ST3GAL3: variants seen among roughly 807,000 people sequenced by gnomAD.
ST3GAL3 encodes ST3 beta-galactoside alpha-2,3-sialyltransferase 3.
Under a neutral mutation model 50.1 loss-of-function variants are expected in ST3GAL3, and 21 were observed. That is an observed-to-expected ratio of 0.42 (90% CI 0.30 to 0.60). The LOEUF is 0.60. Ranked by LOEUF, ST3GAL3 falls within the 20% of genes least tolerant of loss-of-function variation. The pLI is 0.19. For synonymous variants in ST3GAL3, 183 were observed against 190.0 expected, an observed-to-expected ratio of 0.96 and a Z score of 0.30; for missense variants, 353 against 489.4, an observed-to-expected ratio of 0.72 and a Z score of 2.63.
intron 5 of ST3GAL3, among the ~76,000 whole-genome samples, chr1:43,867,000 C>T (rs1338238046): frequency 2.0e-5 from 3 of 152,160 alleles, no homozygotes; most frequent in Non-Finnish European, 4.4e-5. Context: ...CATAGTGGCG[C>T]GTGTCTGTAA....
chr1:43,887,970 A>AC (rs2076201078), intron 5 of ST3GAL3, among the ~76,000 whole-genome samples: 1 of 152,120 alleles, frequency 6.6e-6, no homozygotes, highest in Admixed American at 6.6e-5. Context: ...GGAGGAAGAG[A>AC]CTAGAGCACA....
At chr1:43,910,550 A>G (rs964039755) in intron 9 of ST3GAL3, among the ~76,000 whole-genome samples, 1 of 152,242 alleles carries the variant, frequency 6.6e-6, no homozygotes, top group Non-Finnish European at 1.5e-5. Flanking sequence ...AGAAGTGAGA[A>G]TGGGCACAAG....
chr1:43,716,961 G>A (rs961395414), intron 1 of ST3GAL3, among the ~76,000 whole-genome samples: 2 of 152,024 alleles, frequency 1.3e-5, no homozygotes, highest in Non-Finnish European at 1.5e-5. Flanking sequence ...ATTGCTACAC[G>A]AGCAACCTTT....
intron 2 of ST3GAL3, among the ~76,000 whole-genome samples, chr1:43,764,016 A>G (rs1037009987): frequency 1.3e-5 from 2 of 152,222 alleles, no homozygotes; most frequent in Non-Finnish European, 2.9e-5. Flanking sequence ...ACTGTCATTT[A>G]TTCAATGAGA....
intron 3 of ST3GAL3, among the ~76,000 whole-genome samples, chr1:43,796,784 A>AT (rs1398774246): frequency 2.0e-5 from 3 of 152,258 alleles, no homozygotes; most frequent in Non-Finnish European, 4.4e-5. Flanking sequence ...GGTGACACAG[A>AT]TGTTTGAATA....
chr1:43,848,294 C>CTTTT lies in ST3GAL3; in HGVS notation c.302+10002_302+10005dup, dbSNP rs58438507. On this transcript the variant is annotated intron_variant, in intron 5 of 11. Coordinates refer to ENST00000347631, the MANE Select transcript of ST3GAL3 (RefSeq NM_006279.5). ...TTATGGTGTCCCTTGTTGTGGTTTT[C>CTTTT]TTTTTTTTTTTTTTTTTTTTTTGGC... Among the ~76,000 whole-genome samples, 272 of 70,346 alleles carry CTTTT rather than the reference C, an allele frequency of 3.9e-3. 8 individuals carry two copies. Among genetic ancestry groups the CTTTT allele is most frequent in the African/African-American group, 0.012 (194 of 16,752 alleles). 46.1% of individuals were successfully genotyped at this position (70,346 alleles called of 152,430 possible). A position where few individuals can be genotyped will look rare whatever the true frequency, so the allele number is the denominator to read the frequency against.
intron 5 of ST3GAL3, among the ~76,000 whole-genome samples, chr1:43,890,305 A>T (rs1431734423): frequency 6.6e-6 from 1 of 152,240 alleles, no homozygotes. Flanking sequence ...TAAAAGAAAC[A>T]AAACTGACCA....
intron 9 of ST3GAL3, chr1:43,916,948 C>A (rs748842421): frequency 1.3e-5 from 2 of 152,094 alleles, no homozygotes; most frequent in Non-Finnish European, 2.9e-5. Flanking sequence ...TTTAATGAAA[C>A]CTCTGTTGTA....
In ST3GAL3 at chr1:43,899,134, C is replaced by T. The variant is rs1203707785; in HGVS notation, c.462-34C>T. 6.2e-7 allele frequency: 1 copy of T among 1,613,678 alleles called. No homozygotes were observed. The highest frequency in any genetic ancestry group is 1.3e-5 in the African/African-American group (1 of 74,904). ...AGGGAAAGAGACCTGGTGGGCAGCT[C>T]TCTGTACAGAGGTCTCCGCCTCTCT... On this transcript the variant is annotated intron_variant, in intron 7 of 11. Coordinates refer to ENST00000347631, the MANE Select transcript of ST3GAL3 (RefSeq NM_006279.5). This position sits in a 1 kb window ranked among gnomAD's most constrained non-coding sequence, Gnocchi z 5.4.
At chr1:43,838,193 C>A in intron 4 of ST3GAL3, 26 bp from the exon 5 acceptor site, 1 of 1,587,536 alleles carries the variant, frequency 6.3e-7, no homozygotes, top group Non-Finnish European at 8.6e-7. Context: ...GCCTGGCAAG[C>A]TGTAACTTTC....
chr1:43,719,395 C>G (rs1669171914), intron 1 of ST3GAL3, among the ~76,000 whole-genome samples: 1 of 150,372 alleles, frequency 6.7e-6, no homozygotes, highest in Non-Finnish European at 1.5e-5. Context: ...GGCACGGTGG[C>G]TCATGCTTGT....
At chr1:43,803,820 G>C (rs929780688) in intron 3 of ST3GAL3, among the ~76,000 whole-genome samples, 1 of 152,232 alleles carries the variant, frequency 6.6e-6, no homozygotes, top group African/African-American at 2.4e-5. Context: ...TGGTGCACGT[G>C]CAGGAGGGGA....
chr1:43,836,605 G>A (rs529152090), intron 4 of ST3GAL3, among the ~76,000 whole-genome samples: 15 of 152,210 alleles, frequency 9.9e-5, no homozygotes, highest in Non-Finnish European at 2.1e-4. Context: ...TTGCCACAGG[G>A]CCCCAGCACA....
chr1:43,874,985 T>C (rs1196834479), intron 5 of ST3GAL3, among the ~76,000 whole-genome samples: 1 of 152,206 alleles, frequency 6.6e-6, no homozygotes, highest in Non-Finnish European at 1.5e-5. Context: ...GCATGGTTGT[T>C]CTCCAGCCAG....
At chr1:43,724,622 G>C (rs1672062853) in intron 1 of ST3GAL3, among the ~76,000 whole-genome samples, 1 of 152,110 alleles carries the variant, frequency 6.6e-6, no homozygotes. Flanking sequence ...CTAATTATCT[G>C]CAGAGGCAGA....
At chr1:43,752,757 A>G (rs2154112508) in intron 2 of ST3GAL3, among the ~76,000 whole-genome samples, 1 of 152,004 alleles carries the variant, frequency 6.6e-6, no homozygotes, top group South Asian at 2.1e-4. Context: ...CCCACCTCAG[A>G]CTCCCAAACT....
chr1:43,735,251 T>G (rs1677889142), intron 1 of ST3GAL3, among the ~76,000 whole-genome samples: 1 of 152,176 alleles, frequency 6.6e-6, no homozygotes, highest in African/African-American at 2.4e-5. Context: ...AATTTGTTAC[T>G]CGACATGGCA....
intron 4 of ST3GAL3, among the ~76,000 whole-genome samples, chr1:43,826,449 C>T (rs754835879): frequency 1.3e-5 from 2 of 152,102 alleles, no homozygotes; most frequent in African/African-American, 2.4e-5. Flanking sequence ...CTTTCCAAAG[C>T]AGAAACAACA....
At chr1:43,754,159 C>T (rs988110556) in intron 2 of ST3GAL3, among the ~76,000 whole-genome samples, 1 of 152,112 alleles carries the variant, frequency 6.6e-6, no homozygotes, top group African/African-American at 2.4e-5. Context: ...TAAAAAATAA[C>T]TCAGAGACAA....
Sources: gnomAD v4.1 joint callset for allele counts (sites outside exome capture counted in the v4.1 genomes callset) on GRCh38, gnomAD v4.1.1 for gene constraint, Gnocchi (gnomAD v3.1) non-coding constraint, MANE v1.5 for transcripts, NCBI Gene and HGNC (gene_info 2026-07-23, HGNC 2026-07-21) for gene names.